FAM168B: variants seen among roughly 807,000 people sequenced by gnomAD.
FAM168B encodes family with sequence similarity 168 member B, also known as myelin-associated neurite-outgrowth inhibitor.
FAM168B carries 19 observed loss-of-function variants against 21.8 expected under a neutral mutation model. That is an observed-to-expected ratio of 0.87 (90% CI 0.61 to 1.28). The LOEUF (loss-of-function observed/expected upper bound fraction) is 1.28, where lower values mean the gene tolerates loss of function less well. FAM168B is among the 50% of genes most tolerant of loss of function. The pLI, the probability that FAM168B is intolerant of heterozygous loss-of-function variation, is 0.00. For synonymous variants in FAM168B, 126 were observed against 104.8 expected, an observed-to-expected ratio of 1.20 and a Z score of -1.24; for missense variants, 233 against 263.1, an observed-to-expected ratio of 0.89 and a Z score of 0.79.
chr2:131,062,613 A>G (rs904973512), intron 3 of FAM168B, among the ~76,000 whole-genome samples: 3 of 152,074 alleles, frequency 2.0e-5, no homozygotes, highest in African/African-American at 7.2e-5. Flanking sequence ...ATGCTTAGCT[A>G]ATTTTTGTAT....
chr2:131,061,188 C>G (rs1255626566), intron 3 of FAM168B, among the ~76,000 whole-genome samples: 3 of 142,778 alleles, frequency 2.1e-5, no homozygotes, highest in Non-Finnish European at 3.1e-5. Flanking sequence ...GGCGTGGTGG[C>G]TCACGCCTGT....
intron 2 of FAM168B, among the ~76,000 whole-genome samples, chr2:131,079,487 A>G (rs1693326885): frequency 6.6e-6 from 1 of 152,186 alleles, no homozygotes. Flanking sequence ...AAACAAACAC[A>G]CAAAAGACAC....
Position 131,049,201 on chromosome 2 carries a change from A to T in FAM168B, c.*3264T>A, listed in dbSNP as rs1463262472. The T allele has an allele frequency of 1.0e-6, 1 of 985,254 alleles. No homozygotes were observed. Among genetic ancestry groups the T allele is most frequent in the East Asian group, 1.1e-4 (1 of 8,834 alleles). 61.0% of individuals were successfully genotyped at this position (985,254 alleles called of 1,614,324 possible). On this transcript the variant is annotated 3_prime_UTR_variant, in exon 7 of 7. Coordinates refer to ENST00000389915, the MANE Select transcript of FAM168B (RefSeq NM_001009993.4). ...GTTGTGTCCCCCAAGACACATGCAA[A>T]TTATTTCCTAGACCTCATTCATCAC...
chr2:131,078,481 A>G (rs1025920655), intron 2 of FAM168B, among the ~76,000 whole-genome samples: 1 of 152,228 alleles, frequency 6.6e-6, no homozygotes, highest in Non-Finnish European at 1.5e-5. Context: ...GAGTTCCAGG[A>G]GAGGAGAGAA....
At chr2:131,091,823 G>A (rs1443886708) in intron 1 of FAM168B, among the ~76,000 whole-genome samples, 1 of 151,724 alleles carries the variant, frequency 6.6e-6, no homozygotes, top group Non-Finnish European at 1.5e-5. Context: ...TTACGCTGGT[G>A]TACTGTTCTT....
intron 3 of FAM168B, among the ~76,000 whole-genome samples, chr2:131,068,969 T>C (rs1167422876): frequency 6.6e-6 from 1 of 152,162 alleles, no homozygotes; most frequent in South Asian, 2.1e-4. Context: ...TGAGGCGTGA[T>C]TGCACCACTG....
chr2:131,089,290 C>A (rs1374248877), intron 1 of FAM168B, among the ~76,000 whole-genome samples: 1 of 151,860 alleles, frequency 6.6e-6, no homozygotes, highest in Non-Finnish European at 1.5e-5. Flanking sequence ...TTTAGTTTCC[C>A]ATTTGAAATG....
rs1558924614 is a variant in FAM168B, at chr2:131,049,673, A to C, written c.*2792T>G. On this transcript the variant is annotated 3_prime_UTR_variant, in exon 7 of 7. Transcript: ENST00000389915. ...TTTTTAAATAGCCATCATGATGTCC[A>C]TGTTTACATGAACTAGGTCCTTTGC... 1.3e-5 allele frequency: 13 copies of C among 985,718 alleles called. No homozygotes were observed. Among genetic ancestry groups the C allele is most frequent in the Non-Finnish European group, 1.6e-5 (13 of 829,956 alleles). The allele number at this position is 985,718 out of a possible 1,614,324, so 61.1% of individuals were successfully genotyped here.
Position 131,055,292 on chromosome 2 carries a change from G to A in FAM168B, c.455C>T (p.Thr152Ile). ...NGVTMGMVAG[T>I]TMAMSAGTLL... ...CTTACCTGCTGACATGGCCATGGTG[G>A]TCCCAGCCACCATGCCCATGGTGAC... Residue 152 changes from threonine (T) to isoleucine (I), a missense_variant, in exon 5 of 7, where the codon ACC becomes ATC. Physicochemically the swap from Thr to Ile is moderately conservative, Grantham distance 89. Transcript: ENST00000389915. 1.3e-6 allele frequency: 2 copies of A among 1,579,070 alleles called. No individual in the cohort carries two copies. Among genetic ancestry groups the A allele is most frequent in the Non-Finnish European group, 1.7e-6 (2 of 1,167,224 alleles).
intron 2 of FAM168B, among the ~76,000 whole-genome samples, chr2:131,080,837 T>A (rs920371491): frequency 6.7e-6 from 1 of 150,050 alleles, no homozygotes; most frequent in Non-Finnish European, 1.5e-5. Context: ...GCCTGGCTAA[T>A]TTTTTTTTGT....
chr2:131,079,092 G>T (rs1175139349), intron 2 of FAM168B, among the ~76,000 whole-genome samples: 1 of 152,060 alleles, frequency 6.6e-6, no homozygotes, highest in African/African-American at 2.4e-5. Flanking sequence ...AATCTTCACA[G>T]ATGTGATTAA....
rs1033426363 is a variant in FAM168B at position 131,051,868 on chromosome 2, G to A, written c.*597C>T. On this transcript the variant is annotated 3_prime_UTR_variant, in exon 7 of 7. Transcript: ENST00000389915. ...GCTTCCCTACTCTCTCCCAAACCTC[G>A]CAACTCCCTCCCAGGACAGTCAGTG... 15 of 985,226 alleles carry A rather than the reference G, an allele frequency of 1.5e-5. No individual in the cohort carries two copies. The highest frequency in any genetic ancestry group is 5.2e-4 in the Middle Eastern group (1 of 1,936). The allele number at this position is 985,226 out of a possible 1,614,324, so 61.0% of individuals were successfully genotyped here.
At chr2:131,093,080 G>C (rs1351122648) in intron 1 of FAM168B, 134 bp downstream of exon 1, 1 of 151,178 alleles carries the variant, frequency 6.6e-6, no homozygotes, top group East Asian at 1.9e-4. Context: ...GCGGCACAAA[G>C]CGCAGCCCAG....
chr2:131,075,026 C>T (rs1693065242), intron 2 of FAM168B, among the ~76,000 whole-genome samples: 1 of 152,166 alleles, frequency 6.6e-6, no homozygotes, highest in Non-Finnish European at 1.5e-5. Context: ...GGGTTTCCCT[C>T]CTGGACTCTC....
chr2:131,082,665 A>G lies in FAM168B; in HGVS notation c.-11-8T>C, dbSNP rs1480622878. ...GATTCATGATTTCAAAAACTAAAAGAAAAAAAAGGGAATTTAGCCAAGCAC... is the reference window on the plus strand; with the variant it reads ...GATTCATGATTTCAAAAACTAAAAGGAAAAAAAGGGAATTTAGCCAAGCAC... On this transcript the variant is annotated splice_region_variant and splice_polypyrimidine_tract_variant and intron_variant, in intron 1 of 6. Transcript: ENST00000389915. The G allele has an allele frequency of 2.6e-6, 4 of 1,567,510 alleles. No individual in the cohort carries two copies. The highest frequency in any genetic ancestry group is 1.9e-5 in the Admixed American group (1 of 52,176).
At chr2:131,089,002 T>C (rs557901012) in intron 1 of FAM168B, among the ~76,000 whole-genome samples, 7 of 152,126 alleles carry the variant, frequency 4.6e-5, no homozygotes, top group Middle Eastern at 3.4e-3. Context: ...TTTTCACTTT[T>C]GTTGCCCAGG....
At chr2:131,052,599 AC>A in intron 6 of FAM168B, 147 bp from the exon 7 acceptor site, 1 of 720,358 alleles carries the variant, frequency 1.4e-6, no homozygotes, top group Non-Finnish European at 1.8e-6. Context: ...CTTCCTAGAG[AC>A]CCCCAATTGC....
chr2:131,074,529 A>G (rs1204711228), intron 2 of FAM168B, among the ~76,000 whole-genome samples: 2 of 152,194 alleles, frequency 1.3e-5, no homozygotes, highest in Non-Finnish European at 2.9e-5. Context: ...TAACTTCTCT[A>G]CTGCACACTT....
rs1049199506 is a variant in FAM168B, at chr2:131,070,231, G to A, written c.154+1624C>T. The stretch of plus-strand genomic sequence containing the variant: ...AAAGCCACAGACTGGGAGAAAACAC[G>A]CATATATCTGATAAGAACTCTCAAA... On this transcript the variant is annotated intron_variant, in intron 3 of 6. Transcript: ENST00000389915. 2.0e-5 allele frequency among the ~76,000 whole-genome samples: 3 copies of A among 152,126 alleles called. No homozygotes were observed. The East Asian group carries it at 5.8e-4, about 29-fold the overall frequency.
Sources: gnomAD v4.1 joint callset for allele counts (sites outside exome capture counted in the v4.1 genomes callset) on GRCh38, gnomAD v4.1.1 for gene constraint, MANE v1.5 for transcripts, NCBI Gene and HGNC (gene_info 2026-07-23, HGNC 2026-07-21) for gene names.